Variants in STAP1 observed in about 807,000 individuals in gnomAD.
STAP1 encodes the protein signal-transducing adaptor protein 1.
STAP1 carries 30 observed loss-of-function variants against 37.8 expected under a neutral mutation model. That is an observed-to-expected ratio of 0.79 (90% CI 0.59 to 1.08). STAP1 has a LOEUF of 1.08. Ranked by LOEUF, STAP1 falls within the 50% of genes least tolerant of loss-of-function variation. The pLI, the probability that STAP1 is intolerant of heterozygous loss-of-function variation, is 0.00. For synonymous variants in STAP1, 130 were observed against 116.0 expected, an observed-to-expected ratio of 1.12 and a Z score of -0.78; for missense variants, 357 against 349.4, an observed-to-expected ratio of 1.02 and a Z score of -0.17.
intron 1 of STAP1, among the ~76,000 whole-genome samples, chr4:67,562,889 A>C (rs1727383127): frequency 6.6e-6 from 1 of 152,026 alleles, no homozygotes; most frequent in African/African-American, 2.4e-5. Flanking sequence ...ATATGAAATA[A>C]AATATAATTA....
intron 1 of STAP1, among the ~76,000 whole-genome samples, chr4:67,560,752 G>A (rs1012551752): frequency 1.9e-4 from 29 of 151,754 alleles, no homozygotes; most frequent in South Asian, 6.3e-4. Context: ...CCCCGGCTCC[G>A]GTGATTCTCC....
chr4:67,586,121 T>G (rs1727974497), intron 6 of STAP1, among the ~76,000 whole-genome samples: 1 of 152,190 alleles, frequency 6.6e-6, no homozygotes, highest in Admixed American at 6.5e-5. Flanking sequence ...CTTACTATTC[T>G]GCATGAAATG....
intron 6 of STAP1, among the ~76,000 whole-genome samples, chr4:67,586,054 A>G (rs1374887915): frequency 6.6e-6 from 1 of 152,090 alleles, no homozygotes. Flanking sequence ...TTTTTCCTTA[A>G]TGTCATTCCT....
intron 6 of STAP1, 42 bp from the exon 7 acceptor site, chr4:67,590,842 A>G: frequency 2.1e-6 from 3 of 1,444,710 alleles, no homozygotes; most frequent in Non-Finnish European, 2.9e-6. Flanking sequence ...CATTTACCCA[A>G]TTGTATAATA....
rs376696073 is a variant in STAP1 at position 67,571,788 on chromosome 4, A to G, written c.192+633A>G. 2.6e-5 allele frequency among the ~76,000 whole-genome samples: 4 copies of G among 152,336 alleles called. No individual in the cohort carries two copies. The East Asian group carries it at 7.7e-4, about 29-fold the overall frequency. ...GACTTTATGAGCCAGTAACTTGATT[A>G]AATATAAACATTCTGGATCTGGATA... On this transcript the variant is annotated intron_variant, in intron 2 of 8. Coordinates refer to ENST00000265404, the MANE Select transcript of STAP1 (RefSeq NM_012108.4).
intron 8 of STAP1, among the ~76,000 whole-genome samples, chr4:67,601,671 T>C (rs1478716525): frequency 6.6e-6 from 1 of 152,184 alleles, no homozygotes; most frequent in Non-Finnish European, 1.5e-5. Context: ...AAATATGTCA[T>C]GCTCCCCTGG....
chr4:67,606,273 G>A, intron 8 of STAP1, 23 bp from the exon 9 acceptor site: 1 of 1,595,670 alleles, frequency 6.3e-7, no homozygotes, highest in Non-Finnish European at 8.5e-7. Context: ...CGCTAATTAA[G>A]TTTTTCTACC....
At chr4:67,601,768 A>G (rs527787440) in intron 8 of STAP1, among the ~76,000 whole-genome samples, 3 of 152,320 alleles carry the variant, frequency 2.0e-5, no homozygotes, top group African/African-American at 7.2e-5. Context: ...TGCTGCTTTT[A>G]GGATAATTTC....
chr4:67,599,042 TC>T (rs1313051311), intron 8 of STAP1, among the ~76,000 whole-genome samples: 1 of 152,244 alleles, frequency 6.6e-6, no homozygotes, highest in East Asian at 1.9e-4. Flanking sequence ...TGTTGAGTCA[TC>T]CTTGTATCCC....
intron 1 of STAP1, among the ~76,000 whole-genome samples, chr4:67,569,879 G>A (rs779729840): frequency 2.6e-5 from 4 of 152,098 alleles, no homozygotes; most frequent in Admixed American, 6.5e-5. Context: ...ACAGGTGCAC[G>A]TCACAATGCC....
chr4:67,571,533 C>T (rs1487383), intron 2 of STAP1, among the ~76,000 whole-genome samples: 76,188 of 151,924 alleles, frequency 0.5, 19,892 homozygotes, highest in Non-Finnish European at 0.59. Flanking sequence ...TGGAAAGGAA[C>T]AAAATGATCT....
At chr4:67,601,806 T>G (rs1477920154) in intron 8 of STAP1, among the ~76,000 whole-genome samples, 1 of 152,220 alleles carries the variant, frequency 6.6e-6, no homozygotes, top group Non-Finnish European at 1.5e-5. Flanking sequence ...AGTTAGAATA[T>G]TAAGTGCCTT....
intron 5 of STAP1, among the ~76,000 whole-genome samples, chr4:67,581,726 A>G (rs1252392747): frequency 6.6e-6 from 1 of 152,216 alleles, no homozygotes; most frequent in African/African-American, 2.4e-5. Flanking sequence ...TACTCTTTCC[A>G]GAGCTCACGC....
At chr4:67,562,653 TC>T (rs1727376088) in intron 1 of STAP1, among the ~76,000 whole-genome samples, 1 of 148,708 alleles carries the variant, frequency 6.7e-6, no homozygotes, top group South Asian at 2.1e-4. Flanking sequence ...GCGCCTGTAG[TC>T]CCAACTACTC....
intron 4 of STAP1, among the ~76,000 whole-genome samples, chr4:67,579,720 G>C (rs947712251): frequency 5.7e-4 from 86 of 152,092 alleles, no homozygotes; most frequent in African/African-American, 2.0e-3. Flanking sequence ...CCACTAACAT[G>C]AGAAAAGCAC....
intron 5 of STAP1, 59 bp from the exon 6 acceptor site, chr4:67,583,515 C>G: frequency 2.0e-6 from 3 of 1,488,274 alleles, no homozygotes; most frequent in Non-Finnish European, 2.7e-6. Context: ...GTATTTTTTT[C>G]AAGTAATGAT....
In STAP1 at chr4:67,606,544, C is replaced by G. The variant is rs921631976; in HGVS notation, c.*187C>G. 1 of 543,802 alleles carries G rather than the reference C, an allele frequency of 1.8e-6. No individual in the cohort carries two copies. Among genetic ancestry groups the G allele is most frequent in the African/African-American group, 2.0e-5 (1 of 50,780 alleles). 33.7% of individuals were successfully genotyped at this position (543,802 alleles called of 1,614,324 possible). On this transcript the variant is annotated 3_prime_UTR_variant, in exon 9 of 9. Coordinates refer to ENST00000265404, the MANE Select transcript of STAP1 (RefSeq NM_012108.4). ...ATCTTATCAGAATGAAACCAATTCA[C>G]AGGGAAACTAGAGACTACGGCTGTG...
intron 8 of STAP1, among the ~76,000 whole-genome samples, chr4:67,605,400 A>AT (rs1728430314): frequency 6.6e-6 from 1 of 151,344 alleles, no homozygotes; most frequent in African/African-American, 2.4e-5. Flanking sequence ...AAAAAAAAAA[A>AT]AAAGCACCTT....
intron 8 of STAP1, 83 bp downstream of exon 8, chr4:67,593,439 G>A: frequency 3.2e-6 from 3 of 950,930 alleles, no homozygotes; most frequent in Non-Finnish European, 4.8e-6. Flanking sequence ...ATGATTGATA[G>A]TACCAGCCAG....
Sources: allele counts gnomAD v4.1 joint callset (sites outside exome capture counted in the v4.1 genomes callset), GRCh38; gene constraint gnomAD v4.1.1; transcripts MANE v1.5; gene names NCBI Gene and HGNC (gene_info 2026-07-23, HGNC 2026-07-21).